The following TRAP1 variants were observed in gnomAD, a reference collection of about 807,000 sequenced individuals.
TRAP1 encodes the protein heat shock protein 75 kDa, mitochondrial.
TRAP1 carries 102 observed loss-of-function variants against 89.1 expected under a neutral mutation model. The observed-to-expected ratio is 1.15, with a 90% CI of 0.98 to 1.35. TRAP1 has a LOEUF of 1.35. Ranked by LOEUF, TRAP1 falls within the 40% of genes most tolerant of loss-of-function variation. The pLI is 0.00. For missense variants in TRAP1, 1,256 were observed against 945.3 expected (o/e 1.33, Z -4.31); for synonymous variants, 508 against 388.0 (o/e 1.31, Z -3.64).
chr16:3,711,470 A>G (rs1047455221), intron 1 of TRAP1, among the ~76,000 whole-genome samples: 1 of 152,100 alleles, frequency 6.6e-6, no homozygotes, highest in Non-Finnish European at 1.5e-5. Flanking sequence ...ACGGTAGTGC[A>G]TGCCTGTAGC....
intron 11 of TRAP1, among the ~76,000 whole-genome samples, chr16:3,666,790 T>A (rs962459635): frequency 3.3e-5 from 5 of 152,222 alleles, no homozygotes; most frequent in African/African-American, 1.2e-4. Context: ...ATATGTATAC[T>A]CTAATTTTTC....
intron 11 of TRAP1, among the ~76,000 whole-genome samples, chr16:3,666,851 C>T (rs1007135567): frequency 2.0e-5 from 3 of 152,110 alleles, no homozygotes; most frequent in Non-Finnish European, 2.9e-5. Context: ...TACATAATGG[C>T]CTAAAATTAG....
intron 4 of TRAP1, among the ~76,000 whole-genome samples, chr16:3,681,006 G>A (rs754209899): frequency 3.3e-5 from 5 of 152,064 alleles, no homozygotes; most frequent in Non-Finnish European, 7.4e-5. Flanking sequence ...ACAGACCAAC[G>A]CGCTGGTGAA....
chr16:3,710,182 G>C (rs1451453660), intron 1 of TRAP1, among the ~76,000 whole-genome samples: 1 of 152,214 alleles, frequency 6.6e-6, no homozygotes, highest in Non-Finnish European at 1.5e-5. Context: ...CCTCGGAATA[G>C]TCAAAATATG....
rs201454326 is a variant in TRAP1 at position 3,677,666 on chromosome 16, G to A, written c.544-8C>T. On this transcript the variant is annotated splice_polypyrimidine_tract_variant and splice_region_variant and intron_variant, in intron 5 of 17. Transcript: ENST00000246957. ...CAGAGCATCCAGGAAGGCCTGTGGG[G>A]CAGAGGCCAGTTAGTGAGGCAGCCT... is the stretch of plus-strand genomic sequence containing the variant. The A allele has an allele frequency of 1.2e-6, 2 of 1,611,710 alleles. No individual in the cohort carries two copies. Among genetic ancestry groups the A allele is most frequent in the Admixed American group, 1.7e-5 (1 of 59,854 alleles).
intron 6 of TRAP1, 127 bp downstream of exon 6, chr16:3,677,371 G>C: frequency 2.3e-6 from 3 of 1,290,674 alleles, no homozygotes; most frequent in African/African-American, 1.5e-5. Context: ...AAATGGGAGA[G>C]TCAGATTTCA....
chr16:3,700,687 A>G (rs150429277), intron 1 of TRAP1, among the ~76,000 whole-genome samples: 1 of 151,788 alleles, frequency 6.6e-6, no homozygotes, highest in African/African-American at 2.4e-5. Context: ...GCTGGTCTCA[A>G]ACTCTGGGGC....
chr16:3,716,983 T>C (rs1425802076), intron 1 of TRAP1, among the ~76,000 whole-genome samples: 3 of 152,204 alleles, frequency 2.0e-5, no homozygotes, highest in South Asian at 4.1e-4. Context: ...AGTGCGCTAC[T>C]GGGAGGCGGG....
intron 1 of TRAP1, among the ~76,000 whole-genome samples, chr16:3,715,269 T>C (rs2051582770): frequency 6.6e-6 from 1 of 152,044 alleles, no homozygotes; most frequent in African/African-American, 2.4e-5. Context: ...AAACCCCGTC[T>C]CTACTAAAAA....
intron 1 of TRAP1, among the ~76,000 whole-genome samples, chr16:3,706,184 C>A (rs1442428424): frequency 1.3e-5 from 2 of 152,072 alleles, no homozygotes; most frequent in Non-Finnish European, 2.9e-5. Context: ...AAACTCCTGA[C>A]CTCAAGTAAT....
chr16:3,681,766 T>C (rs2051076409), intron 4 of TRAP1, among the ~76,000 whole-genome samples: 1 of 152,164 alleles, frequency 6.6e-6, no homozygotes, highest in African/African-American at 2.4e-5. Flanking sequence ...AACTAATAGC[T>C]CCTATTTTCA....
intron 3 of TRAP1, among the ~76,000 whole-genome samples, chr16:3,688,172 G>T (rs117968684): frequency 1.3e-5 from 2 of 151,800 alleles, no homozygotes; most frequent in Non-Finnish European, 2.9e-5. Context: ...GTTTTGCGGG[G>T]TTTTTTTTAA....
intron 12 of TRAP1, 135 bp downstream of exon 12, chr16:3,665,836 C>T (rs1050238857): frequency 1.7e-6 from 2 of 1,160,236 alleles, no homozygotes; most frequent in Admixed American, 5.8e-5. Context: ...CATTTCCTGA[C>T]CCTGGTGGCA....
intron 4 of TRAP1, among the ~76,000 whole-genome samples, chr16:3,680,609 G>C (rs981964528): frequency 6.6e-6 from 1 of 152,260 alleles, no homozygotes; most frequent in Non-Finnish European, 1.5e-5. Flanking sequence ...CAGAGCCCTT[G>C]CGTTGGAGCC....
At chr16:3,703,887 T>C (rs925763750) in intron 1 of TRAP1, among the ~76,000 whole-genome samples, 10 of 151,022 alleles carry the variant, frequency 6.6e-5, no homozygotes, top group South Asian at 2.1e-4. Context: ...TGGTGGCGGG[T>C]GCCTGTGGTC....
chr16:3,705,706 G>C (rs1316360576), intron 1 of TRAP1, among the ~76,000 whole-genome samples: 1 of 152,060 alleles, frequency 6.6e-6, no homozygotes, highest in Non-Finnish European at 1.5e-5. Context: ...GTGAGACAGA[G>C]TTTCACTCTC....
intron 13 of TRAP1, 121 bp from the exon 14 acceptor site, chr16:3,663,683 C>T (rs1051026339): frequency 1.1e-5 from 14 of 1,295,484 alleles, no homozygotes; most frequent in Non-Finnish European, 5.3e-6. Context: ...AACACCGGGG[C>T]AGTTGGGGTT....
chr16:3,677,459 C>A, intron 6 of TRAP1, 39 bp downstream of exon 6: 1 of 1,613,806 alleles, frequency 6.2e-7, no homozygotes, highest in East Asian at 2.2e-5. Flanking sequence ...GGCTCCAGCT[C>A]AGCTTTGAGC....
chr16:3,706,231 G>C (rs1460149285), intron 1 of TRAP1, among the ~76,000 whole-genome samples: 3 of 152,076 alleles, frequency 2.0e-5, no homozygotes, highest in Non-Finnish European at 4.4e-5. Context: ...TGAGATTGTA[G>C]ACATGAGCCA....
Sources: gnomAD v4.1 joint callset for allele counts (sites outside exome capture counted in the v4.1 genomes callset) on GRCh38, gnomAD v4.1.1 for gene constraint, MANE v1.5 for transcripts, NCBI Gene and HGNC (gene_info 2026-07-23, HGNC 2026-07-21) for gene names.